The following MAP3K5 variants were observed in gnomAD, a reference collection of about 807,000 sequenced individuals.
MAP3K5 encodes mitogen-activated protein kinase kinase kinase 5.
In MAP3K5, 56 loss-of-function variants were observed where a neutral mutation model predicts 158.7. The ratio of observed to expected loss-of-function variants is 0.35; its 90% confidence interval spans 0.28 to 0.44. The LOEUF (loss-of-function observed/expected upper bound fraction) is 0.44. MAP3K5 is among the 20% of genes least tolerant of loss of function. The pLI is 1.00. For synonymous variants in MAP3K5, 579 were observed against 601.7 expected (o/e 0.96, Z 0.55); for missense variants, 1,294 against 1,674.8 (o/e 0.77, Z 3.97).
chr6:136,782,961 G>A (rs1000129068), intron 1 of MAP3K5, among the ~76,000 whole-genome samples: 4 of 152,066 alleles, frequency 2.6e-5, no homozygotes, highest in Non-Finnish European at 4.4e-5. Flanking sequence ...CACATATTTC[G>A]ATTAGTGTCT....
intron 11 of MAP3K5, among the ~76,000 whole-genome samples, chr6:136,646,108 T>C (rs887315252): frequency 2.0e-5 from 3 of 152,200 alleles, no homozygotes; most frequent in African/African-American, 7.2e-5. Flanking sequence ...GAATACACTA[T>C]GGATAGAATC....
chr6:136,583,422 A>G, intron 24 of MAP3K5, 133 bp downstream of exon 24: 1 of 794,754 alleles, frequency 1.3e-6, no homozygotes, highest in East Asian at 2.9e-5. Context: ...AGAGGCGAAT[A>G]TCTCACATTT....
chr6:136,698,391 A>T, intron 4 of MAP3K5, 98 bp downstream of exon 4: 1 of 954,728 alleles, frequency 1.0e-6, no homozygotes, highest in African/African-American at 1.6e-5. Flanking sequence ...TCTTAGCTGT[A>T]TACTGATATC....
rs1025052699 is a variant in MAP3K5, at chr6:136,609,981, T to C, written c.2521+1301A>G. 6.6e-6 allele frequency among the ~76,000 whole-genome samples: 1 copy of C among 152,066 alleles called. No homozygotes were observed. ...CTGAGTTCTATCCGGTACACACTGC[T>C]GTGACTTCTGACTGCAATGTCACTT... On this transcript the variant is annotated intron_variant, in intron 18 of 29. Coordinates refer to ENST00000359015, the MANE Select transcript of MAP3K5 (RefSeq NM_005923.4). The surrounding 1 kb of genome is among the most constrained non-coding windows in gnomAD (Gnocchi z 4.4).
chr6:136,604,767 CTT>C (rs67820384), intron 19 of MAP3K5, among the ~76,000 whole-genome samples: 19,907 of 151,634 alleles, frequency 0.13, 1,619 homozygotes, highest in East Asian at 0.27. Flanking sequence ...TAATTATGCT[CTT>C]TTTTTTTTAA....
At position 136,613,040 on chromosome 6, in the gene MAP3K5, T is replaced by C. The variant is rs1295850799; in HGVS notation, c.2415+80A>G. On this transcript the variant is annotated intron_variant, in intron 17 of 29. Transcript: ENST00000359015. The surrounding 1 kb of genome is among the most constrained non-coding windows in gnomAD (Gnocchi z 4.0). ...ATTCACCATTCTAAATTAATACTCA[T>C]AACACAATATGACTTTTGCAAGTAA... 7.5e-7 allele frequency: 1 copy of C among 1,333,664 alleles called. No individual in the cohort carries two copies. Among genetic ancestry groups the C allele is most frequent in the African/African-American group, 1.5e-5 (1 of 68,206 alleles). 82.6% of individuals were successfully genotyped at this position (1,333,664 alleles called of 1,614,324 possible).
intron 7 of MAP3K5, among the ~76,000 whole-genome samples, chr6:136,672,453 C>T (rs1457964637): frequency 6.6e-6 from 1 of 152,124 alleles, no homozygotes; most frequent in Admixed American, 6.5e-5. Flanking sequence ...TTAAACTTTA[C>T]CAAGAAAAAG....
intron 1 of MAP3K5, among the ~76,000 whole-genome samples, chr6:136,776,228 G>T (rs1784399275): frequency 6.6e-6 from 1 of 152,060 alleles, no homozygotes; most frequent in African/African-American, 2.4e-5. Context: ...ATGGTTTTGG[G>T]GTTGTCTTTT....
chr6:136,742,471 T>C (rs1419480655), intron 1 of MAP3K5, among the ~76,000 whole-genome samples: 3 of 150,496 alleles, frequency 2.0e-5, no homozygotes, highest in Non-Finnish European at 4.4e-5. Context: ...AACACAAAGA[T>C]ACAGACCTTA....
At chr6:136,768,916 CAA>C (rs755516570) in intron 1 of MAP3K5, among the ~76,000 whole-genome samples, 16 of 114,288 alleles carry the variant, frequency 1.4e-4, no homozygotes, top group Non-Finnish European at 1.7e-4. Context: ...AACTCCATGT[CAA>C]AAAAAAAAAA....
At chr6:136,656,229 C>G in intron 10 of MAP3K5, 78 bp downstream of exon 10, 1 of 1,347,994 alleles carries the variant, frequency 7.4e-7, no homozygotes, top group Non-Finnish European at 1.1e-6. Flanking sequence ...AAATCAGCCC[C>G]CAAGCACTGA....
intron 8 of MAP3K5, among the ~76,000 whole-genome samples, chr6:136,666,385 CA>C (rs1222399057): frequency 6.6e-6 from 1 of 152,014 alleles, no homozygotes; most frequent in Admixed American, 6.5e-5. Flanking sequence ...ATCAAAATTT[CA>C]AAAAGCATCT....
intron 21 of MAP3K5, among the ~76,000 whole-genome samples, chr6:136,594,309 G>A (rs914289504): frequency 3.3e-5 from 5 of 152,188 alleles, no homozygotes; most frequent in African/African-American, 1.2e-4. Flanking sequence ...AAGGTTGTCT[G>A]AGAGAAGAAA....
At chr6:136,757,586 A>T (rs140567960) in intron 1 of MAP3K5, among the ~76,000 whole-genome samples, 31,112 of 126,988 alleles carry the variant, frequency 0.24, 3,890 homozygotes, top group Middle Eastern at 0.32. Flanking sequence ...TTTATTTTTT[A>T]TTTTTTTTTT....
chr6:136,574,954 G>T (rs965708926), intron 25 of MAP3K5, among the ~76,000 whole-genome samples: 1 of 152,092 alleles, frequency 6.6e-6, no homozygotes, highest in Admixed American at 6.5e-5. Flanking sequence ...CTCCCAAAGT[G>T]CTGGGATTAT....
intron 2 of MAP3K5, among the ~76,000 whole-genome samples, chr6:136,714,551 T>C (rs1007360507): frequency 7.2e-5 from 11 of 152,166 alleles, no homozygotes; most frequent in Admixed American, 2.0e-4. Flanking sequence ...CTTTTTAAGA[T>C]TGAATAATAT....
chr6:136,774,943 C>A (rs778039832), intron 1 of MAP3K5, among the ~76,000 whole-genome samples: 19 of 152,066 alleles, frequency 1.2e-4, no homozygotes, highest in Non-Finnish European at 2.2e-4. Flanking sequence ...TCAGTTGTTC[C>A]TTCTTAGTCA....
At chr6:136,659,052 C>T (rs1270854612) in intron 9 of MAP3K5, among the ~76,000 whole-genome samples, 167 bp downstream of exon 9, 1 of 152,220 alleles carries the variant, frequency 6.6e-6, no homozygotes, top group Non-Finnish European at 1.5e-5. Context: ...CCAAAGTCAT[C>T]AGAATTGATG....
chr6:136,602,954 C>T (rs891092806), intron 19 of MAP3K5, among the ~76,000 whole-genome samples: 1 of 151,932 alleles, frequency 6.6e-6, no homozygotes, highest in Non-Finnish European at 1.5e-5. Flanking sequence ...CTTATTACTG[C>T]TATTCTAAAA....
Sources: gnomAD v4.1 joint callset for allele counts (sites outside exome capture counted in the v4.1 genomes callset) on GRCh38, gnomAD v4.1.1 for gene constraint, Gnocchi (gnomAD v3.1) non-coding constraint, MANE v1.5 for transcripts, NCBI Gene and HGNC (gene_info 2026-07-23, HGNC 2026-07-21) for gene names.